Variants in MYO6 observed in about 807,000 individuals in gnomAD.
The protein encoded by MYO6 is myosin VI.
In MYO6, 74 loss-of-function variants were observed where a neutral mutation model predicts 178.7. The observed-to-expected ratio is 0.41, with a 90% CI of 0.34 to 0.50. The LOEUF is 0.50. Ranked by LOEUF, MYO6 falls within the 20% of genes least tolerant of loss-of-function variation. MYO6 has a pLI of 0.09. For synonymous variants in MYO6, 477 were observed against 504.6 expected (o/e 0.95, Z 0.73); for missense variants, 1,330 against 1,547.4 (o/e 0.86, Z 2.36).
chr6:75,790,254 A>G (rs1768087805), intron 1 of MYO6, among the ~76,000 whole-genome samples: 1 of 152,244 alleles, frequency 6.6e-6, no homozygotes, highest in Non-Finnish European at 1.5e-5. Flanking sequence ...GTTGCTTTTC[A>G]AAACTACTAT....
chr6:75,911,462 ATT>A (rs1238185941), intron 32 of MYO6, among the ~76,000 whole-genome samples: 2 of 151,954 alleles, frequency 1.3e-5, no homozygotes, highest in Non-Finnish European at 2.9e-5. Context: ...TTCAATCAGA[ATT>A]TCCTAAGCCT....
chr6:75,873,168 C>T, intron 19 of MYO6, 39 bp from the exon 20 acceptor site: 1 of 1,471,692 alleles, frequency 6.8e-7, no homozygotes, highest in Non-Finnish European at 9.5e-7. Context: ...ACTAAGAATG[C>T]TATATGTATT....
At chr6:75,755,503 T>C (rs1418831090) in intron 1 of MYO6, among the ~76,000 whole-genome samples, 1 of 152,214 alleles carries the variant, frequency 6.6e-6, no homozygotes, top group Non-Finnish European at 1.5e-5. Flanking sequence ...TGGAACTACT[T>C]TAACATTTTA....
intron 1 of MYO6, among the ~76,000 whole-genome samples, chr6:75,796,581 C>T (rs1562170903): frequency 6.6e-6 from 1 of 150,586 alleles, no homozygotes; most frequent in Non-Finnish European, 1.5e-5. Flanking sequence ...GCCCTTTCCC[C>T]CTCCTTCTCT....
At chr6:75,849,594 G>T (rs1326733444) in intron 11 of MYO6, among the ~76,000 whole-genome samples, 1 of 152,046 alleles carries the variant, frequency 6.6e-6, no homozygotes, top group East Asian at 1.9e-4. Context: ...ATGGAGACAG[G>T]GACCAAGAGA....
intron 1 of MYO6, among the ~76,000 whole-genome samples, chr6:75,756,986 ATGTATACACACATATATAG>A (rs1182765617): frequency 8.2e-4 from 114 of 138,692 alleles, no homozygotes; most frequent in African/African-American, 1.8e-3. Flanking sequence ...GTGTGTATAT[ATGTATACACACATATATAG>A]TGTGTATATA....
rs1422658534 is a variant in MYO6 at position 75,870,704 on chromosome 6, A to C, written c.1983+19A>C. ...AAGTACTGTGAGTATGCTTAAAAAG[A>C]AAACAGGTTTTTATGGGTCATCTAA... On this transcript the variant is annotated intron_variant, in intron 19 of 34. Coordinates refer to ENST00000369977, the MANE Select transcript of MYO6 (RefSeq NM_004999.4). 6.2e-6 allele frequency: 10 copies of C among 1,604,332 alleles called. No homozygotes were observed. The South Asian group carries it at 1.1e-4, about 18-fold the overall frequency.
At position 75,873,300 on chromosome 6, in the gene MYO6, G is replaced by A; in HGVS notation, c.2077G>A (p.Gly693Arg). ...AATTCTGTCTCAGCTTCAGTGTTCA[G>A]GTATTTTCATAATCTCTGTCAGTGT... is the stretch of plus-strand genomic sequence containing the variant. ...AQILSQLQCS[G>R]MVSVLDLMQG... Residue 693 changes from glycine to arginine, a missense_variant and splice_region_variant, in exon 20 of 35, where the codon GGG becomes AGG. By Grantham distance (125) the Gly-to-Arg change is moderately radical (BLOSUM62 -2). Around this residue, in one of 3 missense-constraint regions of MYO6, gnomAD observed 613 missense variants for 816.8 expected, o/e 0.75. Transcript: ENST00000369977. 1 of 1,608,034 alleles carries A rather than the reference G, an allele frequency of 6.2e-7. No homozygotes were observed. The highest frequency in any genetic ancestry group is 8.5e-7 in the Non-Finnish European group (1 of 1,174,586).
At chr6:75,767,195 T>G (rs1395202672) in intron 1 of MYO6, among the ~76,000 whole-genome samples, 1 of 152,008 alleles carries the variant, frequency 6.6e-6, no homozygotes, top group African/African-American at 2.4e-5. Context: ...CCAGCTAATA[T>G]TTTGTATTTT....
chr6:75,876,258 T>C (rs1050336234), intron 20 of MYO6, among the ~76,000 whole-genome samples: 1 of 152,210 alleles, frequency 6.6e-6, no homozygotes, highest in Non-Finnish European at 1.5e-5. Flanking sequence ...ATTTTATACA[T>C]ATTTGTATAA....
intron 1 of MYO6, among the ~76,000 whole-genome samples, chr6:75,764,028 T>C (rs529049891): frequency 3.3e-4 from 51 of 152,272 alleles, no homozygotes; most frequent in Non-Finnish European, 7.1e-4. Flanking sequence ...GCATTATTCT[T>C]TTCCAACCTC....
At chr6:75,864,547 A>T (rs1182771011) in intron 16 of MYO6, among the ~76,000 whole-genome samples, 3 of 152,184 alleles carry the variant, frequency 2.0e-5, no homozygotes, top group Non-Finnish European at 4.4e-5. Context: ...GGTCTTTGTT[A>T]TGACCAGCCT....
chr6:75,899,131 A>G (rs1006032726), intron 30 of MYO6, among the ~76,000 whole-genome samples: 5 of 152,116 alleles, frequency 3.3e-5, no homozygotes, highest in Non-Finnish European at 7.4e-5. Context: ...TGTTGCATTG[A>G]TGTACTTCTT....
intron 1 of MYO6, among the ~76,000 whole-genome samples, chr6:75,778,121 A>C (rs1363847028): frequency 2.0e-5 from 3 of 152,110 alleles, no homozygotes; most frequent in Admixed American, 6.6e-5. Context: ...CACCCTCCTG[A>C]GTAGCTGGAT....
intron 1 of MYO6, among the ~76,000 whole-genome samples, chr6:75,814,781 C>T (rs536521653): frequency 9.2e-5 from 14 of 151,400 alleles, no homozygotes; most frequent in South Asian, 4.2e-4. Context: ...ATGTCTTGAA[C>T]GTGGGAGGTC....
chr6:75,858,886 G>T lies in MYO6; in HGVS notation c.1382-16G>T. ...TGATCTCATAATGACTCTTGGTTCT[G>T]GTTTTATATTTTCAGAGTACTTTGA... is the stretch of plus-strand genomic sequence containing the variant. On this transcript the variant is annotated splice_polypyrimidine_tract_variant and intron_variant, in intron 13 of 34. Transcript: ENST00000369977. The T allele has an allele frequency of 6.6e-7, 1 of 1,504,136 alleles. No homozygotes were observed. Among genetic ancestry groups the T allele is most frequent in the East Asian group, 2.3e-5 (1 of 44,146 alleles). 93.2% of individuals were successfully genotyped at this position (1,504,136 alleles called of 1,614,324 possible).
intron 1 of MYO6, among the ~76,000 whole-genome samples, chr6:75,788,917 G>T (rs563008012): frequency 6.6e-6 from 1 of 152,108 alleles, no homozygotes; most frequent in Admixed American, 6.5e-5. Flanking sequence ...AGAAATAAGC[G>T]TTTGTCATGC....
chr6:75,805,419 T>C (rs900957957), intron 1 of MYO6, among the ~76,000 whole-genome samples: 7 of 152,204 alleles, frequency 4.6e-5, no homozygotes, highest in African/African-American at 1.7e-4. Flanking sequence ...ATTTAATACA[T>C]AGATGTTATT....
chr6:75,758,324 G>T (rs1582980681), intron 1 of MYO6, among the ~76,000 whole-genome samples: 1 of 152,140 alleles, frequency 6.6e-6, no homozygotes, highest in Non-Finnish European at 1.5e-5. Flanking sequence ...TGTGGTAGAG[G>T]GAAGTGAAAT....
Sources: allele counts gnomAD v4.1 joint callset (sites outside exome capture counted in the v4.1 genomes callset), GRCh38; gene constraint gnomAD v4.1.1; regional missense constraint gnomAD v4.1.1; transcripts MANE v1.5; gene names NCBI Gene and HGNC (gene_info 2026-07-23, HGNC 2026-07-21).